Variants in ANXA10 observed in about 807,000 individuals in gnomAD.
ANXA10 encodes annexin A10, also known as annexin 14.
In ANXA10, 49 loss-of-function variants were observed where a neutral mutation model predicts 53.5. That is an observed-to-expected ratio of 0.92 (90% CI 0.73 to 1.16). The LOEUF is 1.16. Ranked by LOEUF, ANXA10 falls within the 50% of genes most tolerant of loss-of-function variation. ANXA10 has a pLI of 0.00. For missense variants in ANXA10, 393 were observed against 394.4 expected, an observed-to-expected ratio of 1.00 and a Z score of 0.03; for synonymous variants, 131 against 128.9, an observed-to-expected ratio of 1.02 and a Z score of -0.11.
At chr4:168,147,917 T>G (rs1046414776) in intron 3 of ANXA10, among the ~76,000 whole-genome samples, 2 of 152,178 alleles carry the variant, frequency 1.3e-5, no homozygotes, top group Non-Finnish European at 2.9e-5. Context: ...TCAGGGGACA[T>G]GAGGGAGACA....
chr4:168,168,983 T>G (rs1353013300), intron 6 of ANXA10, among the ~76,000 whole-genome samples: 2 of 152,180 alleles, frequency 1.3e-5, no homozygotes, highest in African/African-American at 4.8e-5. Context: ...GTCACCACTC[T>G]CAGTAAATCA....
intron 3 of ANXA10, among the ~76,000 whole-genome samples, chr4:168,146,145 A>T (rs1731403170): frequency 6.6e-6 from 1 of 152,068 alleles, no homozygotes; most frequent in Non-Finnish European, 1.5e-5. Context: ...CTGACCTCAG[A>T]TGATCCACCC....
intron 2 of ANXA10, among the ~76,000 whole-genome samples, chr4:168,137,310 G>A (rs903403284): frequency 1.3e-5 from 2 of 152,104 alleles, no homozygotes; most frequent in African/African-American, 4.8e-5. Context: ...TAAGGGGTAC[G>A]AGTGCAGATT....
chr4:168,118,700 C>G (rs945552246), intron 1 of ANXA10, among the ~76,000 whole-genome samples: 12 of 152,056 alleles, frequency 7.9e-5, no homozygotes, highest in African/African-American at 2.9e-4. Context: ...GATGGGGAAG[C>G]AGACTTTTAG....
chr4:168,173,579 T>C (rs1286583931), intron 6 of ANXA10, among the ~76,000 whole-genome samples: 1 of 152,184 alleles, frequency 6.6e-6, no homozygotes, highest in African/African-American at 2.4e-5. Context: ...CTCGGACCCA[T>C]AGGAGAGCAT....
intron 6 of ANXA10, among the ~76,000 whole-genome samples, chr4:168,166,488 T>C (rs73862567): frequency 0.02 from 3,055 of 152,278 alleles, 84 homozygotes; most frequent in African/African-American, 0.069. Flanking sequence ...GTGCCTGTTA[T>C]CCTATTTAAC....
chr4:168,145,610 C>T (rs1471277778), intron 3 of ANXA10, among the ~76,000 whole-genome samples: 1 of 152,144 alleles, frequency 6.6e-6, no homozygotes, highest in Admixed American at 6.5e-5. Context: ...ACTAAATTAT[C>T]CTTTCAGTAT....
At chr4:168,165,067 T>A (rs1000065624) in intron 5 of ANXA10, 180 bp from the exon 6 acceptor site, 2 of 393,894 alleles carry the variant, frequency 5.1e-6, no homozygotes, top group African/African-American at 4.2e-5. Flanking sequence ...GTCCTGTGCT[T>A]ATGTTACCAT....
At chr4:168,096,521 T>A (rs989996908) in intron 1 of ANXA10, among the ~76,000 whole-genome samples, 3 of 152,124 alleles carry the variant, frequency 2.0e-5, no homozygotes, top group African/African-American at 7.2e-5. Context: ...TATACCATTA[T>A]AACAACCATA....
intron 3 of ANXA10, among the ~76,000 whole-genome samples, chr4:168,155,822 G>GATATATT (rs1487569864): frequency 3.5e-4 from 1 of 2,856 alleles, no homozygotes; most frequent in African/African-American, 8.9e-4. Flanking sequence ...TATTATATAT[G>GATATATT]ATATATGATA....
At chr4:168,099,262 A>T (rs543744819) in intron 1 of ANXA10, among the ~76,000 whole-genome samples, 7 of 152,280 alleles carry the variant, frequency 4.6e-5, no homozygotes, top group African/African-American at 1.7e-4. Flanking sequence ...GAATAAATGT[A>T]CATATTCTTC....
chr4:168,110,345 T>C lies in ANXA10; in HGVS notation c.18+17627T>C, dbSNP rs1730788025. 2.0e-5 allele frequency among the ~76,000 whole-genome samples: 3 copies of C among 152,308 alleles called. No individual in the cohort carries two copies. In the Middle Eastern group the frequency reaches 0.01, roughly 518 times the overall value. On this transcript the variant is annotated intron_variant, in intron 1 of 11. Coordinates refer to ENST00000359299, the MANE Select transcript of ANXA10 (RefSeq NM_007193.5). ...TTGTCTCCTTCATCCCCTGGTTTAG[T>C]TATAGCTAGATGTATAGTTAATGTT...
At chr4:168,181,049 C>A (rs1457288642) in intron 9 of ANXA10, among the ~76,000 whole-genome samples, 2 of 152,072 alleles carry the variant, frequency 1.3e-5, no homozygotes, top group African/African-American at 4.8e-5. Flanking sequence ...CAAATTCAAT[C>A]CTACAATAAT....
intron 1 of ANXA10, chr4:168,127,817 CTTTTTTTTTTTTTTT>C (rs766782048): frequency 6.7e-5 from 10 of 148,574 alleles, no homozygotes; most frequent in East Asian, 3.7e-4. Context: ...ATGTTGAAAC[CTTTTTTTTTTTTTTT>C]TTTTTTTTTT....
chr4:168,168,181 C>T lies in ANXA10; in HGVS notation c.480+2855C>T, dbSNP rs531897507. On this transcript the variant is annotated intron_variant, in intron 6 of 11. Transcript: ENST00000359299. The stretch of plus-strand genomic sequence containing the variant: ...ATCCAGAGACTTAGTCTCCTTCCAC[C>T]GTTACAACTGGCTTTTAAGTTTATC... Among the ~76,000 whole-genome samples, 604 of 152,222 alleles carry T rather than the reference C, an allele frequency of 4.0e-3. 7 individuals are homozygous for T. The highest frequency in any genetic ancestry group is 6.7e-3 in the Non-Finnish European group (455 of 68,002).
chr4:168,173,803 C>T (rs1578934708), intron 6 of ANXA10, among the ~76,000 whole-genome samples: 1 of 152,200 alleles, frequency 6.6e-6, no homozygotes, highest in African/African-American at 2.4e-5. Flanking sequence ...GATCCCCAGC[C>T]TTCACCTATT....
rs182422597 is a variant in ANXA10, at chr4:168,128,215, A to T, written c.100+50A>T. 4.0e-3 allele frequency: 5,977 copies of T among 1,510,148 alleles called. 20 individuals carry two copies. The highest frequency in any genetic ancestry group is 5.0e-3 in the Non-Finnish European group (5,490 of 1,090,422). The allele number at this position is 1,510,148 out of a possible 1,614,324, so 93.5% of individuals were successfully genotyped here. A position where few individuals can be genotyped will look rare whatever the true frequency, so the allele number is the denominator to read the frequency against. On this transcript the variant is annotated intron_variant, in intron 2 of 11. Transcript: ENST00000359299. ...TTTTATTGTGATTATTTTTTGCTTTACCTTGTTTTAAGACTATACTGTGGG... is the reference window on the plus strand; with the variant it reads ...TTTTATTGTGATTATTTTTTGCTTTTCCTTGTTTTAAGACTATACTGTGGG...
chr4:168,153,437 AAAAAC>A (rs1731535098), intron 3 of ANXA10, among the ~76,000 whole-genome samples: 3 of 53,264 alleles, frequency 5.6e-5, no homozygotes, highest in Non-Finnish European at 9.4e-5. Context: ...AAAAAAAAAA[AAAAAC>A]AAAAACAAAA....
intron 1 of ANXA10, among the ~76,000 whole-genome samples, chr4:168,115,088 G>A (rs915926211): frequency 6.6e-6 from 1 of 152,040 alleles, no homozygotes; most frequent in Non-Finnish European, 1.5e-5. Context: ...CATGTTGCCT[G>A]CTCAGGCTGG....
Sources: allele counts gnomAD v4.1 joint callset (sites outside exome capture counted in the v4.1 genomes callset), GRCh38; gene constraint gnomAD v4.1.1; transcripts MANE v1.5; gene names NCBI Gene and HGNC (gene_info 2026-07-23, HGNC 2026-07-21).